Variants in SCAF8 observed in about 807,000 individuals in gnomAD.
SCAF8 encodes SR-related CTD associated factor 8, also known as SR-related and CTD-associated factor 8.
A neutral mutation model predicts 140.5 loss-of-function variants in SCAF8; 23 were observed. The ratio of observed to expected loss-of-function variants is 0.16; its 90% CI spans 0.12 to 0.23. The LOEUF (loss-of-function observed/expected upper bound fraction) is 0.23. Among genes scored for constraint, SCAF8 ranks in the 10% least tolerant of loss-of-function variants. The pLI, the probability that SCAF8 is intolerant of heterozygous loss-of-function variation, is 1.00. For synonymous variants in SCAF8, 575 were observed against 528.9 expected (o/e 1.09, Z -1.20); for missense variants, 1,397 against 1,555.7 (o/e 0.90, Z 1.72).
At chr6:154,821,918 C>A (rs1168869308) in intron 15 of SCAF8, among the ~76,000 whole-genome samples, 1 of 152,148 alleles carries the variant, frequency 6.6e-6, no homozygotes, top group Non-Finnish European at 1.5e-5. Flanking sequence ...TGGATTAATA[C>A]TCTCCTAGTT....
At chr6:154,821,426 T>C (rs1410984375) in intron 15 of SCAF8, among the ~76,000 whole-genome samples, 2 of 152,168 alleles carry the variant, frequency 1.3e-5, no homozygotes, top group Non-Finnish European at 2.9e-5. Flanking sequence ...CTGTAAAGTT[T>C]ACTAGCCTAT....
chr6:154,753,162 C>T (rs1327474746), intron 1 of SCAF8, among the ~76,000 whole-genome samples: 1 of 151,894 alleles, frequency 6.6e-6, no homozygotes, highest in African/African-American at 2.4e-5. Flanking sequence ...AACCCTGTCT[C>T]TAGTAAAAAT....
chr6:154,748,786 A>ATTT (rs1778768935), intron 1 of SCAF8, among the ~76,000 whole-genome samples: 1 of 152,198 alleles, frequency 6.6e-6, no homozygotes, highest in Admixed American at 6.5e-5. Flanking sequence ...GTAAAATCCT[A>ATTT]AAGGAGTTGT....
In SCAF8 at chr6:154,832,845, C is replaced by T; in HGVS notation, c.3266C>T (p.Pro1089Leu). ...LGRRDHFGFN[P>L]EKPWGHRGDF... Reference sequence around the variant, plus strand: ...CGAAGAGACCACTTTGGCTTTAATCCAGAGAAGCCCTGGGGGCATAGAGGA... The same window carrying T: ...CGAAGAGACCACTTTGGCTTTAATCTAGAGAAGCCCTGGGGGCATAGAGGA... Residue 1089 changes from proline to leucine, a missense_variant, in exon 20 of 20, where the codon CCA (proline) becomes CTA (leucine). Physicochemically the swap from Pro to Leu is moderately conservative, Grantham distance 98. Coordinates refer to ENST00000367178, the MANE Select transcript of SCAF8 (RefSeq NM_014892.5). The T allele has an allele frequency of 6.2e-7, 1 of 1,613,920 alleles. No individual in the cohort carries two copies. The highest frequency in any genetic ancestry group is 8.5e-7 in the Non-Finnish European group (1 of 1,179,968).
chr6:154,821,196 A>C (rs1343360600), intron 15 of SCAF8, among the ~76,000 whole-genome samples: 1 of 152,154 alleles, frequency 6.6e-6, no homozygotes, highest in Non-Finnish European at 1.5e-5. Context: ...CCTCTTGTAG[A>C]GTGTAGCGCA....
At chr6:154,762,343 G>GC (rs1776430032) in intron 1 of SCAF8, among the ~76,000 whole-genome samples, 2 of 152,310 alleles carry the variant, frequency 1.3e-5, no homozygotes, top group African/African-American at 4.8e-5. Flanking sequence ...CAGGCTGTTG[G>GC]CTGAATTCAG....
At chr6:154,816,054 A>G (rs1778239123) in intron 13 of SCAF8, among the ~76,000 whole-genome samples, 1 of 152,180 alleles carries the variant, frequency 6.6e-6, no homozygotes. Context: ...GCAGTGTACC[A>G]TGCTTGATTC....
At chr6:154,799,729 TC>T (rs1207224142) in intron 6 of SCAF8, among the ~76,000 whole-genome samples, 1 of 151,384 alleles carries the variant, frequency 6.6e-6, no homozygotes, top group Non-Finnish European at 1.5e-5. Flanking sequence ...TGGTTTCATC[TC>T]TTGTCTTTGT....
chr6:154,774,141 A>AT (rs1235471185), intron 2 of SCAF8, 69 bp downstream of exon 2: 6 of 1,001,714 alleles, frequency 6.0e-6, no homozygotes, highest in Non-Finnish European at 7.8e-6. Context: ...ATGGGGGATA[A>AT]TTTTTTTATG....
chr6:154,792,649 C>T (rs1354811467), intron 4 of SCAF8, among the ~76,000 whole-genome samples, 174 bp from the exon 5 acceptor site: 3 of 152,032 alleles, frequency 2.0e-5, no homozygotes, highest in Non-Finnish European at 2.9e-5. Flanking sequence ...TTTTCAAGCA[C>T]GTTAAGGGTA....
intron 1 of SCAF8, among the ~76,000 whole-genome samples, chr6:154,758,524 C>T (rs998897177): frequency 5.3e-5 from 8 of 152,228 alleles, no homozygotes; most frequent in African/African-American, 1.7e-4. Context: ...CTAGTATGAG[C>T]CCAGGACGTA....
At chr6:154,810,351 A>C in intron 12 of SCAF8, 143 bp downstream of exon 12, 1 of 567,822 alleles carries the variant, frequency 1.8e-6, no homozygotes, top group Non-Finnish European at 3.0e-6. Context: ...TGGTTTTTGT[A>C]ACATGATAGA....
At chr6:154,826,304 A>T (rs1003723291) in intron 17 of SCAF8, among the ~76,000 whole-genome samples, 1 of 152,102 alleles carries the variant, frequency 6.6e-6, no homozygotes, top group Non-Finnish European at 1.5e-5. Flanking sequence ...ATTGTTCCTT[A>T]TTAACTTGTT....
intron 4 of SCAF8, among the ~76,000 whole-genome samples, chr6:154,790,718 G>T (rs1562447551): frequency 6.6e-6 from 1 of 151,864 alleles, no homozygotes; most frequent in African/African-American, 2.4e-5. Context: ...CACCATGTTA[G>T]CCAAGATGGT....
chr6:154,741,704 G>T lies in SCAF8; in HGVS notation c.30+7774G>T, dbSNP rs1778574079. ...TTACAGGTGTGAGCCACCGCGCCCG[G>T]CCCGTTTGCATCTTTTTCAGAAGGG... On this transcript the variant is annotated intron_variant, in intron 1 of 19. Transcript: ENST00000367178. 3.3e-5 allele frequency among the ~76,000 whole-genome samples: 5 copies of T among 152,252 alleles called. No homozygotes were observed. The South Asian group carries it at 1.0e-3, about 32-fold the overall frequency.
At chr6:154,824,491 C>A in intron 17 of SCAF8, 113 bp downstream of exon 17, 1 of 955,726 alleles carries the variant, frequency 1.0e-6, no homozygotes. Flanking sequence ...GCATGCATAG[C>A]CTTGTTAAAG....
intron 15 of SCAF8, 66 bp downstream of exon 15, chr6:154,820,399 A>G (rs1222180169): frequency 2.9e-6 from 4 of 1,359,852 alleles, no homozygotes; most frequent in East Asian, 2.3e-5. Flanking sequence ...GCTGAAGTGA[A>G]TTTGGGATGA....
At chr6:154,747,376 T>C (rs767090627) in intron 1 of SCAF8, among the ~76,000 whole-genome samples, 20 of 152,098 alleles carry the variant, frequency 1.3e-4, no homozygotes, top group Non-Finnish European at 2.5e-4. Context: ...ACAAAAAAAT[T>C]AGCTGGGTAT....
intron 17 of SCAF8, 96 bp downstream of exon 17, chr6:154,824,474 G>A (rs2114682424): frequency 8.7e-7 from 1 of 1,148,666 alleles, no homozygotes; most frequent in Middle Eastern, 2.0e-4. Context: ...GTGGTTCTGA[G>A]ACCTTAGCAT....
Sources: allele counts gnomAD v4.1 joint callset (sites outside exome capture counted in the v4.1 genomes callset), GRCh38; gene constraint gnomAD v4.1.1; transcripts MANE v1.5; gene names NCBI Gene and HGNC (gene_info 2026-07-23, HGNC 2026-07-21).